The following XRN1 variants were observed in gnomAD, a reference collection of about 807,000 sequenced individuals.
XRN1 encodes the protein strand-exchange protein 1 homolog.
In XRN1, 67 loss-of-function variants were observed where a neutral mutation model predicts 222.3. That is an observed-to-expected ratio of 0.30 (90% CI 0.25 to 0.37). XRN1 has a LOEUF of 0.37. XRN1 is among the 10% of genes least tolerant of loss of function. The pLI, the probability that XRN1 is intolerant of heterozygous loss-of-function variation, is 1.00. For missense variants in XRN1, 1,707 were observed against 2,000.2 expected (o/e 0.85, Z 2.80); for synonymous variants, 643 against 652.4 (o/e 0.99, Z 0.22).
Position 142,432,840 on chromosome 3 carries a change from G to A in XRN1, c.129C>T (p.Cys43=). The part of the protein sequence containing the change: ...YLDMNGIIHQ[C]SHPNDDDVHF... ...GAACATCATCATCATTAGGATGGGAGCACTGATGTATAATTCCATTCATAT... is the reference window on the plus strand; with the variant it reads ...GAACATCATCATCATTAGGATGGGAACACTGATGTATAATTCCATTCATAT... Residue 43 remains cysteine (C), a synonymous_variant, in exon 2 of 41, where the codon TGC becomes TGT. Transcript: ENST00000392981. 1 of 1,613,912 alleles carries A rather than the reference G, an allele frequency of 6.2e-7. No homozygotes were observed. Among genetic ancestry groups the A allele is most frequent in the Non-Finnish European group, 8.5e-7 (1 of 1,179,996 alleles).
At chr3:142,400,573 T>G (rs367923926) in intron 18 of XRN1, 26 bp from the exon 19 acceptor site, 1 of 1,580,504 alleles carries the variant, frequency 6.3e-7, no homozygotes, top group African/African-American at 1.4e-5. Flanking sequence ...AAAAAGTTCA[T>G]TCATGATTTC....
intron 9 of XRN1, 70 bp from the exon 10 acceptor site, chr3:142,421,223 A>G: frequency 1.5e-6 from 2 of 1,370,858 alleles, no homozygotes; most frequent in Non-Finnish European, 1.9e-6. Flanking sequence ...ATCAAACTTA[A>G]AACAGTGACT....
intron 22 of XRN1, among the ~76,000 whole-genome samples, chr3:142,382,274 G>C (rs1427088343): frequency 6.6e-6 from 1 of 151,864 alleles, no homozygotes; most frequent in Non-Finnish European, 1.5e-5. Flanking sequence ...ATTCTTACAT[G>C]ATTCAATCTT....
rs781234548 is a variant in XRN1 at position 142,365,316 on chromosome 3, T to A, written c.3255A>T (p.Leu1085=). ...TCTTTGATAGGAAACTTACTCTGTA[T>A]AGCAAATGGGGTTTCACTGTTACTC... ...KVRVTVKPHL[L]YRPLEQQHGV... is the part of the protein sequence containing the mutation. The change falls in exon 28 of 41, where the codon CTA becomes CTT. Residue 1085 remains leucine (L), a synonymous_variant. Coordinates refer to ENST00000392981, the MANE Select transcript of XRN1 (RefSeq NM_001282857.2). 3.8e-6 allele frequency: 6 copies of A among 1,591,240 alleles called. No homozygotes were observed. The highest frequency in any genetic ancestry group is 4.3e-6 in the Non-Finnish European group (5 of 1,169,166).
intron 1 of XRN1, among the ~76,000 whole-genome samples, chr3:142,439,423 C>G (rs138969916): frequency 6.6e-6 from 1 of 152,162 alleles, no homozygotes; most frequent in African/African-American, 2.4e-5. Context: ...TGCTAACTTG[C>G]GTGCTAGAAG....
At chr3:142,360,809 G>A (rs1007387936) in intron 29 of XRN1, among the ~76,000 whole-genome samples, 1 of 146,212 alleles carries the variant, frequency 6.8e-6, no homozygotes, top group Non-Finnish European at 1.5e-5. Flanking sequence ...GGGAGGTGGA[G>A]CTTGCAGTGA....
chr3:142,418,189 C>T (rs2068859429), intron 12 of XRN1: 4 of 241,226 alleles, frequency 1.7e-5, no homozygotes, highest in Admixed American at 1.1e-4. Context: ...AATGAAGAAG[C>T]AGTGGCCAAT....
intron 23 of XRN1, among the ~76,000 whole-genome samples, chr3:142,379,560 C>T (rs2067240531): frequency 6.6e-6 from 1 of 152,006 alleles, no homozygotes; most frequent in Non-Finnish European, 1.5e-5. Context: ...GATATCAGAA[C>T]CTTCCCTCTA....
At chr3:142,381,798 C>T (rs563553538) in intron 22 of XRN1, among the ~76,000 whole-genome samples, 1 of 152,042 alleles carries the variant, frequency 6.6e-6, no homozygotes, top group South Asian at 2.1e-4. Context: ...AACTCCTGGC[C>T]TCAAGTGATT....
chr3:142,429,211 G>T (rs1420636125), intron 2 of XRN1, among the ~76,000 whole-genome samples: 3 of 138,838 alleles, frequency 2.2e-5, no homozygotes. Context: ...GCAGTGGTGT[G>T]ATCTCAGCTC....
At chr3:142,344,665 G>C (rs765682097) in intron 33 of XRN1, among the ~76,000 whole-genome samples, 13 of 151,894 alleles carry the variant, frequency 8.6e-5, no homozygotes, top group Admixed American at 3.9e-4. Flanking sequence ...GCATGAAAAA[G>C]AGTAAAATAT....
At position 142,429,490 on chromosome 3, in the gene XRN1, T is replaced by G. The variant is rs571383180; in HGVS notation, c.309-2649A>C. Among the ~76,000 whole-genome samples the G allele has an allele frequency of 3.9e-5, 6 of 152,064 alleles. No homozygotes were observed. The South Asian group carries it at 1.0e-3, about 26-fold the overall frequency. On this transcript the variant is annotated intron_variant, in intron 2 of 40. Transcript: ENST00000392981. ...TTGTCAGGAAATTTTAGTGGCATGGTGGGGATAAAAGAAGGCAGATTTAGA... is the reference window on the plus strand; with the variant it reads ...TTGTCAGGAAATTTTAGTGGCATGGGGGGGATAAAAGAAGGCAGATTTAGA...
chr3:142,371,211 G>A, intron 26 of XRN1, 28 bp downstream of exon 26: 2 of 1,549,088 alleles, frequency 1.3e-6, no homozygotes, highest in Non-Finnish European at 1.8e-6. Flanking sequence ...TGAACTATGA[G>A]GTAATAAATA....
intron 20 of XRN1, among the ~76,000 whole-genome samples, chr3:142,396,246 AT>A (rs550001261): frequency 1.3e-5 from 2 of 151,680 alleles, no homozygotes; most frequent in East Asian, 1.9e-4. Flanking sequence ...ACTTTGAATG[AT>A]TTTTTTTTCC....
At chr3:142,416,612 A>C (rs2068798220) in intron 13 of XRN1, among the ~76,000 whole-genome samples, 2 of 152,362 alleles carry the variant, frequency 1.3e-5, no homozygotes, top group South Asian at 2.1e-4. Flanking sequence ...AACTTGACTA[A>C]CTTTGATAGA....
intron 1 of XRN1, chr3:142,435,132 A>G (rs2069818929): frequency 6.6e-6 from 1 of 152,352 alleles, no homozygotes; most frequent in Admixed American, 6.5e-5. Flanking sequence ...GCGGTGGCTC[A>G]CGCCTGTAAT....
chr3:142,397,397 A>G lies in XRN1; in HGVS notation c.2271T>C (p.Ser757=). ...KLYSGRTAPP[S]KVVHLGDKEQ... ...CTTTATCTCCAAGATGAACCACTTT[A>G]GATGGTGGGGCAGTTCTTCCTGAAT... The change falls in exon 20 of 41, where the codon TCT becomes TCC. Residue 757 remains serine (S), a synonymous_variant. Coordinates refer to ENST00000392981, the MANE Select transcript of XRN1 (RefSeq NM_001282857.2). The G allele has an allele frequency of 6.2e-7, 1 of 1,610,214 alleles. No individual in the cohort carries two copies. Among genetic ancestry groups the G allele is most frequent in the African/African-American group, 1.3e-5 (1 of 74,990 alleles).
At chr3:142,400,051 T>C (rs1217369723) in intron 19 of XRN1, among the ~76,000 whole-genome samples, 1 of 152,122 alleles carries the variant, frequency 6.6e-6, no homozygotes, top group Non-Finnish European at 1.5e-5. Context: ...ACAAAAGATA[T>C]GTGCCCTAAA....
intron 15 of XRN1, among the ~76,000 whole-genome samples, chr3:142,407,229 G>A (rs1178961415): frequency 6.6e-6 from 1 of 152,200 alleles, no homozygotes; most frequent in African/African-American, 2.4e-5. Context: ...AACATCACTA[G>A]CAAAGACCCT....
Sources: gnomAD v4.1 joint callset for allele counts (sites outside exome capture counted in the v4.1 genomes callset) on GRCh38, gnomAD v4.1.1 for gene constraint, MANE v1.5 for transcripts, NCBI Gene and HGNC (gene_info 2026-07-23, HGNC 2026-07-21) for gene names.